The following RBM27 variants were observed in gnomAD, a reference collection of about 807,000 sequenced individuals.
RBM27 encodes RNA binding motif protein 27, also known as RNA-binding protein 27.
A neutral mutation model predicts 135.3 loss-of-function variants in RBM27; 22 were observed. The observed-to-expected ratio is 0.16, with a 90% CI of 0.12 to 0.23. The LOEUF (loss-of-function observed/expected upper bound fraction) is 0.23, where lower values mean the gene tolerates loss of function less well. Ranked by LOEUF, RBM27 falls within the 10% of genes least tolerant of loss-of-function variation. The pLI is 1.00. For missense variants in RBM27, 1,009 were observed against 1,281.0 expected, an observed-to-expected ratio of 0.79 and a Z score of 3.24; for synonymous variants, 481 against 442.4, an observed-to-expected ratio of 1.09 and a Z score of -1.10.
intron 19 of RBM27, among the ~76,000 whole-genome samples, chr5:146,281,870 A>G (rs1370554723): frequency 6.6e-6 from 1 of 152,018 alleles, no homozygotes; most frequent in East Asian, 1.9e-4. Flanking sequence ...CACACAGTGT[A>G]TATTCTTTTG....
In RBM27 at chr5:146,206,280, C is replaced by CT. The variant is rs1755642726; in HGVS notation, c.59+2457dup. On this transcript the variant is annotated intron_variant, in intron 1 of 20. Coordinates refer to ENST00000265271, the MANE Select transcript of RBM27 (RefSeq NM_018989.2). ...TTAAAGCTCCCTAAGATGTTTTACT[C>CT]TGAGTAGTGCTTTTCGTTTTTTGTT... is the stretch of plus-strand genomic sequence containing the variant. Among the ~76,000 whole-genome samples the CT allele has an allele frequency of 3.0e-5, 4 of 134,872 alleles. No homozygotes were observed. The South Asian group carries it at 9.7e-4, about 33-fold the overall frequency. The allele number at this position is 134,872 out of a possible 152,430, so 88.5% of individuals were successfully genotyped here.
rs1756808014 is a variant in RBM27, at chr5:146,229,013, C to G, written c.371C>G (p.Thr124Ser). The change falls in exon 4 of 21, where the codon ACT becomes AGT. Residue 124 changes from threonine (T) to serine (S), a missense_variant. Coordinates refer to ENST00000265271, the MANE Select transcript of RBM27 (RefSeq NM_018989.2). ...RKKKYPSPQK[T>S]RSESSERRTR... ...AAGAAATATCCTAGTCCCCAGAAGACTCGTTCAGAATCTAGTGAACGAAGG... is the reference window on the plus strand; with the variant it reads ...AAGAAATATCCTAGTCCCCAGAAGAGTCGTTCAGAATCTAGTGAACGAAGG... 6.2e-7 allele frequency: 1 copy of G among 1,613,528 alleles called. No individual in the cohort carries two copies. Among genetic ancestry groups the G allele is most frequent in the African/African-American group, 1.3e-5 (1 of 74,886 alleles).
intron 8 of RBM27, among the ~76,000 whole-genome samples, chr5:146,247,762 C>T (rs1319266197): frequency 3.9e-5 from 6 of 152,078 alleles, no homozygotes; most frequent in Non-Finnish European, 7.4e-5. Context: ...CTACACAGTA[C>T]ATTATAATGC....
In RBM27 at chr5:146,267,788, T is replaced by C. The variant is rs1486862260; in HGVS notation, c.2451+20T>C. On this transcript the variant is annotated intron_variant, in intron 15 of 20. Coordinates refer to ENST00000265271, the MANE Select transcript of RBM27 (RefSeq NM_018989.2). The stretch of plus-strand genomic sequence containing the variant: ...AAACAGGTAACAGTCTTGATTCTTC[T>C]TGCCTTACAGAAGAAAAGATGCCTT... 1 of 1,596,194 alleles carries C rather than the reference T, an allele frequency of 6.3e-7. No individual in the cohort carries two copies. The highest frequency in any genetic ancestry group is 1.4e-5 in the African/African-American group (1 of 73,614).
intron 19 of RBM27, among the ~76,000 whole-genome samples, chr5:146,272,087 T>G (rs1299933848): frequency 6.6e-6 from 1 of 152,236 alleles, no homozygotes; most frequent in African/African-American, 2.4e-5. Context: ...AATAGAGATT[T>G]GCTACAGGCA....
At chr5:146,205,056 C>T (rs1161393960) in intron 1 of RBM27, among the ~76,000 whole-genome samples, 3 of 152,184 alleles carry the variant, frequency 2.0e-5, no homozygotes, top group Admixed American at 2.0e-4. Context: ...CGCCACCACG[C>T]CCAGCTAATT....
chr5:146,263,785 G>A (rs1371784015), intron 14 of RBM27, among the ~76,000 whole-genome samples, 154 bp downstream of exon 14: 2 of 152,146 alleles, frequency 1.3e-5, no homozygotes, highest in Admixed American at 6.5e-5. Context: ...TCAGAAATTT[G>A]CTGGTGAAAT....
Position 146,203,677 on chromosome 5 carries a change from A to G in RBM27, c.-89A>G. ...ATGCCCGGTGGGCTGGGGCACCGGG[A>G]GCTGTGAAGGGAACGTGAGGGGGCG... On this transcript the variant is annotated 5_prime_UTR_variant, in exon 1 of 21. Coordinates refer to ENST00000265271, the MANE Select transcript of RBM27 (RefSeq NM_018989.2). 1 of 1,218,518 alleles carries G rather than the reference A, an allele frequency of 8.2e-7. No homozygotes were observed. Among genetic ancestry groups the G allele is most frequent in the Non-Finnish European group, 1.2e-6 (1 of 850,666 alleles). 75.5% of individuals were successfully genotyped at this position (1,218,518 alleles called of 1,614,324 possible).
intron 6 of RBM27, among the ~76,000 whole-genome samples, chr5:146,232,332 T>G (rs548487830): frequency 3.3e-5 from 5 of 152,336 alleles, no homozygotes; most frequent in African/African-American, 1.2e-4. Flanking sequence ...AGCCATAGAA[T>G]ACTCCTTGCC....
rs769542712 is a variant in RBM27, at chr5:146,284,624, C to T, written c.2991C>T (p.Thr997=). 1.4e-5 allele frequency: 22 copies of T among 1,605,634 alleles called. No homozygotes were observed. The highest frequency in any genetic ancestry group is 5.4e-5 in the African/African-American group (4 of 74,464). Residue 997 remains threonine (T), a splice_region_variant and synonymous_variant, in exon 20 of 21, where the codon ACC becomes ACT. Coordinates refer to ENST00000265271, the MANE Select transcript of RBM27 (RefSeq NM_018989.2). ...TGTTCTTCTAATATATATTTTAGAC[C>T]GCAAACCAAGGGCCAAAATTTAAAG... The part of the protein sequence containing the change: ...EKEDLLQHFS[T]ANQGPKFKDR...
rs1355969895 is a variant in RBM27, at chr5:146,203,821, C to A, written c.56C>A (p.Pro19Gln). 9 of 1,443,826 alleles carry A rather than the reference C, an allele frequency of 6.2e-6. No homozygotes were observed. The Admixed American group carries it at 1.5e-4, about 24-fold the overall frequency. 89.4% of individuals were successfully genotyped at this position (1,443,826 alleles called of 1,614,324 possible). Reference protein sequence around the residue: ...LKSWLAKLLEPICDADPSALA... With the variant: ...LKSWLAKLLEQICDADPSALA... ...TCCTGGCTGGCCAAGTTACTGGAGC[C>A]GATGTGAGTGAGCCGGGCTGGGCCG... is the stretch of plus-strand genomic sequence containing the variant. The change falls in exon 1 of 21, where the codon CCG becomes CAG. Residue 19 changes from proline to glutamine, a missense_variant. By Grantham distance (76) the Pro-to-Gln change is moderately conservative. Transcript: ENST00000265271.
In RBM27 at chr5:146,235,491, G is replaced by A. The variant is rs146587920; in HGVS notation, c.1144+1748G>A. ...GGATTGCTTGAACCCAGGAGGTCAA[G>A]GGTGCAGTGAGCTGTGATGGCCTCA... On this transcript the variant is annotated intron_variant, in intron 7 of 20. Coordinates refer to ENST00000265271, the MANE Select transcript of RBM27 (RefSeq NM_018989.2). Among the ~76,000 whole-genome samples, 106 of 152,192 alleles carry A rather than the reference G, an allele frequency of 7.0e-4. 1 individual carries two copies. Among genetic ancestry groups the A allele is most frequent in the Non-Finnish European group, 9.9e-4 (67 of 67,996 alleles).
chr5:146,203,692 G>A lies in RBM27; in HGVS notation c.-74G>A. The A allele has an allele frequency of 2.9e-6, 4 of 1,383,402 alleles. No homozygotes were observed. Among genetic ancestry groups the A allele is most frequent in the South Asian group, 1.3e-5 (1 of 79,966 alleles). The allele number at this position is 1,383,402 out of a possible 1,614,324, so 85.7% of individuals were successfully genotyped here. ...GGGCACCGGGAGCTGTGAAGGGAAC[G>A]TGAGGGGGCGGCGTAGTGGAGACCC... is the stretch of plus-strand genomic sequence containing the variant. On this transcript the variant is annotated 5_prime_UTR_variant, in exon 1 of 21. In the 5' UTR this introduces an upstream ATG that the reference lacks. Transcript: ENST00000265271.
chr5:146,215,861 C>T (rs1054091229), intron 1 of RBM27, among the ~76,000 whole-genome samples: 2 of 151,916 alleles, frequency 1.3e-5, no homozygotes, highest in Non-Finnish European at 2.9e-5. Context: ...AGTGATTCTC[C>T]TGCCTCAGTC....
At position 146,234,813 on chromosome 5, in the gene RBM27, C is replaced by G. The variant is rs140587093; in HGVS notation, c.1144+1070C>G. Among the ~76,000 whole-genome samples the G allele has an allele frequency of 3.2e-3, 486 of 152,044 alleles. 3 individuals carry two copies. Among genetic ancestry groups the G allele is most frequent in the African/African-American group, 0.011 (452 of 41,486 alleles). On this transcript the variant is annotated intron_variant, in intron 7 of 20. Coordinates refer to ENST00000265271, the MANE Select transcript of RBM27 (RefSeq NM_018989.2). ...CTTTGGGAGGCCGAAGTGGGTGGAT[C>G]ACTTGAACTCTGGAGTTCGAGACCA...
intron 19 of RBM27, 106 bp downstream of exon 19, chr5:146,271,780 G>A: frequency 9.5e-7 from 1 of 1,054,036 alleles, no homozygotes; most frequent in Non-Finnish European, 1.3e-6. Context: ...AGAAAAATTA[G>A]TTGTAAAAAA....
chr5:146,283,539 A>C (rs954536489), intron 19 of RBM27, among the ~76,000 whole-genome samples: 1 of 152,110 alleles, frequency 6.6e-6, no homozygotes, highest in Non-Finnish European at 1.5e-5. Flanking sequence ...CCCTGTCTCA[A>C]AAAGAAAAAA....
chr5:146,242,605 A>AT (rs1224563521), intron 8 of RBM27, among the ~76,000 whole-genome samples: 2 of 151,804 alleles, frequency 1.3e-5, no homozygotes, highest in Non-Finnish European at 2.9e-5. Context: ...TTATTTATTT[A>AT]TTTTTTTAGA....
Position 146,269,514 on chromosome 5 carries a change from C to A in RBM27, c.2621C>A (p.Ser874Ter). The A allele has an allele frequency of 1.3e-6, 2 of 1,583,068 alleles. No homozygotes were observed. Among genetic ancestry groups the A allele is most frequent in the Admixed American group, 1.9e-5 (1 of 52,560 alleles). The stretch of plus-strand genomic sequence containing the variant: ...TTGAAAGAGCTTGGAGAGAAGATCT[C>A]ACAATTAAAAGATGAATTAAAAACA... ...KTLKELGEKI[S>*]QLKDELKTSS... Residue 874 changes from serine (S) to a stop codon, truncating the protein, a stop_gained, in exon 17 of 21, where the codon TCA (serine) becomes TAA (stop). Coordinates refer to ENST00000265271, the MANE Select transcript of RBM27 (RefSeq NM_018989.2). LOFTEE classifies it high-confidence loss of function.
Sources: allele counts gnomAD v4.1 joint callset (sites outside exome capture counted in the v4.1 genomes callset), GRCh38; gene constraint gnomAD v4.1.1; transcripts MANE v1.5; gene names NCBI Gene and HGNC (gene_info 2026-07-23, HGNC 2026-07-21).